Variants in LAMA2 observed in about 807,000 individuals in gnomAD.
The protein encoded by LAMA2 is laminin subunit alpha 2.
A neutral mutation model predicts 364.8 loss-of-function variants in LAMA2; 269 were observed. The ratio of observed to expected loss-of-function variants is 0.74; its 90% CI spans 0.67 to 0.82. LAMA2 has a LOEUF of 0.82. LAMA2 is among the 40% of genes least tolerant of loss of function. The pLI is 0.00. For synonymous variants in LAMA2, 1,379 were observed against 1,370.6 expected, an observed-to-expected ratio of 1.01 and a Z score of -0.14; for missense variants, 3,807 against 3,873.2, an observed-to-expected ratio of 0.98 and a Z score of 0.45.
chr6:129,222,800 C>T (rs1248084179), intron 12 of LAMA2, among the ~76,000 whole-genome samples: 1 of 152,158 alleles, frequency 6.6e-6, no homozygotes, highest in Admixed American at 6.5e-5. Flanking sequence ...CCGCAATAAA[C>T]ATACATGTGC....
intron 4 of LAMA2, among the ~76,000 whole-genome samples, chr6:129,111,465 T>C (rs1394947900): frequency 1.3e-5 from 2 of 151,976 alleles, no homozygotes; most frequent in African/African-American, 4.8e-5. Flanking sequence ...AATTATTTAT[T>C]TCCTTATTCA....
chr6:129,336,785 C>T (rs760311556), intron 29 of LAMA2, among the ~76,000 whole-genome samples: 3 of 152,272 alleles, frequency 2.0e-5, no homozygotes, highest in South Asian at 4.1e-4. Context: ...AAAAATGTGA[C>T]CCAGAGTACA....
chr6:129,497,931 G>T (rs1054800006), intron 58 of LAMA2, among the ~76,000 whole-genome samples: 2 of 152,140 alleles, frequency 1.3e-5, no homozygotes, highest in Non-Finnish European at 2.9e-5. Flanking sequence ...GAGAGCTAGA[G>T]AAAACATTTC....
At chr6:129,101,012 T>G (rs1166098633) in intron 4 of LAMA2, among the ~76,000 whole-genome samples, 1 of 152,356 alleles carries the variant, frequency 6.6e-6, no homozygotes, top group Middle Eastern at 3.4e-3. Context: ...ATCTCACTCG[T>G]CAGCTTTAGT....
rs1659315461 is a variant in LAMA2 at position 129,059,844 on chromosome 6, T to C, written c.344T>C (p.Ile115Thr). 1 of 1,610,488 alleles carries C rather than the reference T, an allele frequency of 6.2e-7. No individual in the cohort carries two copies. Among genetic ancestry groups the C allele is most frequent in the Non-Finnish European group, 8.5e-7 (1 of 1,176,722 alleles). ...GKNTWWQSPS[I>T]KNGIEYHYVT... ...AACACTTGGTGGCAGAGTCCCAGTA[T>C]TAAGAATGGAATCGAATACCATTAT... Residue 115 changes from isoleucine (I) to threonine (T), a missense_variant, in exon 3 of 65, where the codon ATT (isoleucine) becomes ACT (threonine). Physicochemically the swap from Ile to Thr is moderately conservative, Grantham distance 89. Transcript: ENST00000421865.
At chr6:128,935,818 G>C (rs529374706) in intron 1 of LAMA2, among the ~76,000 whole-genome samples, 37 of 152,218 alleles carry the variant, frequency 2.4e-4, no homozygotes, top group Non-Finnish European at 4.9e-4. Context: ...AGGACTCATA[G>C]TACTATGTTG....
intron 13 of LAMA2, 135 bp from the exon 14 acceptor site, chr6:129,251,946 AAAT>A (rs1786280937): frequency 1.6e-6 from 1 of 640,736 alleles, no homozygotes; most frequent in African/African-American, 1.8e-5. Flanking sequence ...AAAAAAAAAT[AAAT>A]AAATAAAAAA....
chr6:129,295,883 A>C (rs1350969830), intron 20 of LAMA2, among the ~76,000 whole-genome samples: 1 of 151,942 alleles, frequency 6.6e-6, no homozygotes, highest in African/African-American at 2.4e-5. Context: ...ATGAATACAA[A>C]GTATTATTTC....
chr6:129,350,231 T>C (rs1776783108), intron 31 of LAMA2, among the ~76,000 whole-genome samples: 1 of 152,238 alleles, frequency 6.6e-6, no homozygotes, highest in African/African-American at 2.4e-5. Context: ...GCATAATTGA[T>C]AGCAGTATAA....
At chr6:128,966,160 C>A (rs1454997398) in intron 1 of LAMA2, among the ~76,000 whole-genome samples, 1 of 151,692 alleles carries the variant, frequency 6.6e-6, no homozygotes, top group Non-Finnish European at 1.5e-5. Flanking sequence ...TTTAAAGATT[C>A]TGTTGAATAG....
chr6:129,141,404 G>A (rs1226442393), intron 4 of LAMA2, among the ~76,000 whole-genome samples: 1 of 152,054 alleles, frequency 6.6e-6, no homozygotes, highest in East Asian at 1.9e-4. Flanking sequence ...CTGCATTAGA[G>A]AGGATTCAGT....
intron 4 of LAMA2, among the ~76,000 whole-genome samples, chr6:129,127,113 C>T (rs1777163249): frequency 6.6e-6 from 1 of 152,116 alleles, no homozygotes; most frequent in Non-Finnish European, 1.5e-5. Context: ...AATATGGGTC[C>T]TCAGGGCCAT....
At position 129,066,038 on chromosome 6, in the gene LAMA2, G is replaced by GTATGTCTTTTTTT. The variant is rs59543848; in HGVS notation, c.396+6143_396+6144insATGTCTTTTTTTT. 6.7e-4 allele frequency among the ~76,000 whole-genome samples: 25 copies of GTATGTCTTTTTTT among 37,114 alleles called. 5 individuals are homozygous for GTATGTCTTTTTTT. Among genetic ancestry groups the GTATGTCTTTTTTT allele is most frequent in the Middle Eastern group, 0.024 (1 of 42 alleles). 24.3% of individuals were successfully genotyped at this position (37,114 alleles called of 152,430 possible). The stretch of plus-strand genomic sequence containing the variant: ...TCTTTTGTAAATTGCCCAGTCTCAG[G>GTATGTCTTTTTTT]TTTTTTTTTTTTTTTTTTTTTTTTT... On this transcript the variant is annotated intron_variant, in intron 3 of 64. Transcript: ENST00000421865.
chr6:129,165,822 G>C, intron 9 of LAMA2, 147 bp downstream of exon 9: 4 of 653,654 alleles, frequency 6.1e-6, no homozygotes. Context: ...GTTCCCTCCA[G>C]GAAGTAGTTT....
intron 7 of LAMA2, among the ~76,000 whole-genome samples, chr6:129,152,283 T>C (rs1249718777): frequency 6.6e-6 from 1 of 152,224 alleles, no homozygotes; most frequent in African/African-American, 2.4e-5. Context: ...GAATGCTTAT[T>C]ATGTCCAGGA....
intron 9 of LAMA2, among the ~76,000 whole-genome samples, chr6:129,171,833 T>G (rs1249267084): frequency 1.0e-3 from 109 of 107,620 alleles, no homozygotes; most frequent in African/African-American, 3.8e-3. Flanking sequence ...AGATTTGGTC[T>G]TTTCACATAG....
rs1781605647 is a variant in LAMA2, at chr6:129,192,813, G to A, written c.1742G>A (p.Ser581Asn). ...GAGGCCCGGCAAGCCCTGCCGCACAGCTACTACTGGAGCGCGCCGGCTCCC... is the reference window on the plus strand; with the variant it reads ...GAGGCCCGGCAAGCCCTGCCGCACAACTACTACTGGAGCGCGCCGGCTCCC... ...NAEARQALPH[S>N]YYWSAPAPYL... The change falls in exon 12 of 65, where the codon AGC becomes AAC. Residue 581 changes from serine (S) to asparagine (N), a missense_variant. Ser to Asn is a conservative substitution (Grantham distance 46). Transcript: ENST00000421865. The A allele has an allele frequency of 2.5e-6, 4 of 1,614,176 alleles. No homozygotes were observed. Among genetic ancestry groups the A allele is most frequent in the African/African-American group, 1.3e-5 (1 of 75,046 alleles).
intron 13 of LAMA2, among the ~76,000 whole-genome samples, chr6:129,250,827 G>C (rs953842887): frequency 6.6e-6 from 1 of 151,902 alleles, no homozygotes; most frequent in Non-Finnish European, 1.5e-5. Flanking sequence ...CGTATTCAGA[G>C]GCACACACAT....
At chr6:128,917,908 A>T (rs943243745) in intron 1 of LAMA2, among the ~76,000 whole-genome samples, 2 of 149,032 alleles carry the variant, frequency 1.3e-5, no homozygotes, top group Admixed American at 6.7e-5. Flanking sequence ...TAATTTTTCT[A>T]TTTTTTTTGT....
Sources: allele counts gnomAD v4.1 joint callset (sites outside exome capture counted in the v4.1 genomes callset), GRCh38; gene constraint gnomAD v4.1.1; transcripts MANE v1.5; gene names NCBI Gene and HGNC (gene_info 2026-07-23, HGNC 2026-07-21).